MORF4L1: variants seen among roughly 807,000 people sequenced by gnomAD.
MORF4L1 encodes mortality factor 4-like protein 1.
In MORF4L1, 4 loss-of-function variants were observed where a neutral mutation model predicts 52.9. The ratio of observed to expected loss-of-function variants is 0.08; its 90% CI spans 0.04 to 0.17. The LOEUF is 0.17. MORF4L1 is among the 10% of genes least tolerant of loss of function. The probability of loss-of-function intolerance (pLI) is 1.00; values close to 1 mark genes in which losing one functional copy is unlikely to be tolerated. For synonymous variants in MORF4L1, 123 were observed against 134.8 expected (o/e 0.91, Z 0.61); for missense variants, 214 against 390.4 (o/e 0.55, Z 3.81).
intron 3 of MORF4L1, chr15:78,885,045 A>G: frequency 2.5e-6 from 4 of 1,614,140 alleles, no homozygotes; most frequent in South Asian, 1.1e-5. Context: ...CTGTTCCTGA[A>G]GGAGCTCCCT....
intron 1 of MORF4L1, among the ~76,000 whole-genome samples, chr15:78,876,809 A>G (rs2056501646): frequency 1.3e-5 from 2 of 152,214 alleles, no homozygotes; most frequent in Admixed American, 1.3e-4. Context: ...GTGATTCTTT[A>G]TAGAGTGACC....
intron 11 of MORF4L1, 31 bp downstream of exon 11, chr15:78,894,935 A>G (rs1027657010): frequency 5.2e-6 from 8 of 1,551,624 alleles, no homozygotes; most frequent in Non-Finnish European, 5.3e-6. Context: ...ATAAACATGG[A>G]TTTGAAAATT....
At chr15:78,874,454 C>A (rs2056439563) in intron 1 of MORF4L1, among the ~76,000 whole-genome samples, 1 of 152,004 alleles carries the variant, frequency 6.6e-6, no homozygotes, top group African/African-American at 2.4e-5. Context: ...CTCACCTCTG[C>A]CCCCCACCCG....
chr15:78,874,588 T>C (rs1347017640), intron 1 of MORF4L1, among the ~76,000 whole-genome samples: 261 of 144,892 alleles, frequency 1.8e-3, no homozygotes, highest in African/African-American at 5.3e-3. Flanking sequence ...TCTTTCTTTT[T>C]TTTTTTTTTT....
intron 3 of MORF4L1, among the ~76,000 whole-genome samples, chr15:78,881,876 G>A (rs1012209167): frequency 2.6e-5 from 4 of 152,182 alleles, no homozygotes; most frequent in African/African-American, 4.8e-5. Context: ...AGTGCCATCT[G>A]ATTTGATGAG....
chr15:78,892,179 T>G, intron 7 of MORF4L1, 33 bp from the exon 8 acceptor site: 1 of 1,493,692 alleles, frequency 6.7e-7, no homozygotes, highest in Non-Finnish European at 9.3e-7. Context: ...CAAGAAAGGT[T>G]AGGTTTTTAA....
intron 3 of MORF4L1, 57 bp downstream of exon 3, chr15:78,880,636 A>G (rs1179455991): frequency 1.5e-6 from 2 of 1,317,436 alleles, no homozygotes; most frequent in African/African-American, 3.0e-5. Flanking sequence ...TGTGTCACTG[A>G]CTGGCTTAGC....
At chr15:78,894,312 T>C (rs959008654) in intron 10 of MORF4L1, 82 bp downstream of exon 10, 5 of 1,131,652 alleles carry the variant, frequency 4.4e-6, no homozygotes, top group Non-Finnish European at 4.8e-6. Context: ...TAATTAACTT[T>C]CCAAAACATG....
intron 3 of MORF4L1, among the ~76,000 whole-genome samples, chr15:78,882,804 G>A (rs1005965405): frequency 3.6e-5 from 4 of 110,294 alleles, no homozygotes; most frequent in Non-Finnish European, 7.2e-5. Context: ...GAGCCAGTAT[G>A]GTGGTGCCTA....
Position 78,873,004 on chromosome 15 carries a change from C to G in MORF4L1, c.-14C>G. 1 of 1,550,486 alleles carries G rather than the reference C, an allele frequency of 6.4e-7. No individual in the cohort carries two copies. On this transcript the variant is annotated 5_prime_UTR_variant, in exon 1 of 12. Transcript: ENST00000426013. ...GGGTGGTGGGAGAAGGAGGAGGCGG[C>G]GAATCACTTATAAATGGCGCCGAAG...
chr15:78,882,107 T>C (rs1014502493), intron 3 of MORF4L1, among the ~76,000 whole-genome samples: 1 of 152,240 alleles, frequency 6.6e-6, no homozygotes, highest in Non-Finnish European at 1.5e-5. Flanking sequence ...CTGAAATGCA[T>C]AGAAGTGCAT....
Position 78,896,975 on chromosome 15 carries a change from A to T in MORF4L1, c.888-8A>T. 6.2e-7 allele frequency: 1 copy of T among 1,611,880 alleles called. No homozygotes were observed. Among genetic ancestry groups the T allele is most frequent in the African/African-American group, 1.3e-5 (1 of 74,970 alleles). On this transcript the variant is annotated splice_polypyrimidine_tract_variant and splice_region_variant and intron_variant, in intron 11 of 11. Transcript: ENST00000426013. Reference sequence around the variant, plus strand: ...TAAAAATTTTTGTAATGAATATTTTATTTTTAGGTACCTGGCAAAGAATTC... The same window carrying T: ...TAAAAATTTTTGTAATGAATATTTTTTTTTTAGGTACCTGGCAAAGAATTC...
Position 78,892,544 on chromosome 15 carries a change from C to A in MORF4L1, c.540+231C>A, listed in dbSNP as rs138798609. ...GTTATAATGATAAAGGTGGAAATAA[C>A]TCATTTTTGGAGATTGCTAGGGCAG... On this transcript the variant is annotated intron_variant, in intron 8 of 11. Transcript: ENST00000426013. 2,021 of 374,746 alleles carry A rather than the reference C, an allele frequency of 5.4e-3. 9 individuals carry two copies. The highest frequency in any genetic ancestry group is 6.2e-3 in the Non-Finnish European group (1,282 of 207,828). 23.2% of individuals were successfully genotyped at this position (374,746 alleles called of 1,614,324 possible).
intron 6 of MORF4L1, 76 bp downstream of exon 6, chr15:78,891,090 A>C: frequency 7.1e-7 from 1 of 1,399,016 alleles, no homozygotes. Context: ...AAAGCTATGA[A>C]ATTTTGGAGT....
At position 78,897,388 on chromosome 15, in the gene MORF4L1, A is replaced by C. The variant is rs1038567307; in HGVS notation, c.*321A>C. ...TATTCCTTTGACACTACGCACTTTT[A>C]TAATACATGTTAATGCTATATGACA... On this transcript the variant is annotated 3_prime_UTR_variant, in exon 12 of 12. Coordinates refer to ENST00000426013, the MANE Select transcript of MORF4L1 (RefSeq NM_006791.4). 1 of 234,562 alleles carries C rather than the reference A, an allele frequency of 4.3e-6. No homozygotes were observed. Among genetic ancestry groups the C allele is most frequent in the African/African-American group, 2.2e-5 (1 of 44,680 alleles). 14.5% of individuals were successfully genotyped at this position (234,562 alleles called of 1,614,324 possible). A position where few individuals can be genotyped will look rare whatever the true frequency, so the allele number is the denominator to read the frequency against.
At chr15:78,893,371 C>T (rs2056832754) in intron 8 of MORF4L1, among the ~76,000 whole-genome samples, 168 bp from the exon 9 acceptor site, 1 of 152,216 alleles carries the variant, frequency 6.6e-6, no homozygotes, top group Admixed American at 6.5e-5. Context: ...AAGTTGGGAA[C>T]TGTCTGTAGT....
chr15:78,884,848 T>C (rs2056670713), intron 3 of MORF4L1: 1 of 557,018 alleles, frequency 1.8e-6, no homozygotes, highest in African/African-American at 1.9e-5. Context: ...TTTTCAAACC[T>C]CATTGGAATT....
intron 7 of MORF4L1, 31 bp from the exon 8 acceptor site, chr15:78,892,181 G>C: frequency 1.3e-6 from 2 of 1,517,470 alleles, no homozygotes; most frequent in Non-Finnish European, 1.8e-6. Context: ...AGAAAGGTTA[G>C]GTTTTTAATA....
At chr15:78,893,479 G>A (rs954491510) in intron 8 of MORF4L1, 60 bp from the exon 9 acceptor site, 1 of 1,126,084 alleles carries the variant, frequency 8.9e-7, no homozygotes, top group Non-Finnish European at 1.3e-6. Context: ...AAACTTGCCT[G>A]GTATGATTTT....
Sources: allele counts gnomAD v4.1 joint callset (sites outside exome capture counted in the v4.1 genomes callset), GRCh38; gene constraint gnomAD v4.1.1; transcripts MANE v1.5; gene names NCBI Gene and HGNC (gene_info 2026-07-23, HGNC 2026-07-21).